Variants in SLC20A2 observed in about 807,000 individuals in gnomAD.
SLC20A2 encodes the protein sodium-dependent phosphate transporter 2.
Under a neutral mutation model 61.0 loss-of-function variants are expected in SLC20A2, and 30 were observed. The ratio of observed to expected loss-of-function variants is 0.49; its 90% CI spans 0.37 to 0.67. SLC20A2 has a LOEUF of 0.67. SLC20A2 is among the 30% of genes least tolerant of loss of function. SLC20A2 has a pLI of 0.00. For synonymous variants in SLC20A2, 351 were observed against 353.3 expected, an observed-to-expected ratio of 0.99 and a Z score of 0.07; for missense variants, 626 against 866.4, an observed-to-expected ratio of 0.72 and a Z score of 3.48.
intron 1 of SLC20A2, among the ~76,000 whole-genome samples, chr8:42,528,344 C>T (rs991241743): frequency 6.6e-6 from 1 of 151,964 alleles, no homozygotes; most frequent in Non-Finnish European, 1.5e-5. Context: ...CACCTTTAGT[C>T]CCAGCTACGC....
upstream of SLC20A2, among the ~76,000 whole-genome samples, chr8:42,505,926 G>GA (rs545340476): frequency 3.3e-5 from 5 of 151,216 alleles, no homozygotes; most frequent in African/African-American, 9.7e-5. Flanking sequence ...GAACATTGAA[G>GA]AAAAAACTCT....
At chr8:42,466,586 T>A (rs1433269089) in intron 2 of SLC20A2, among the ~76,000 whole-genome samples, 1 of 152,194 alleles carries the variant, frequency 6.6e-6, no homozygotes. Flanking sequence ...TGCCTTACAG[T>A]CACATAATGA....
chr8:42,484,969 A>T, intron 1 of SLC20A2: 1 of 321,810 alleles, frequency 3.1e-6, no homozygotes, highest in Non-Finnish European at 6.1e-6. Flanking sequence ...ACTAAGCACA[A>T]GGCCTGCATT....
intron 1 of SLC20A2, chr8:42,541,358 C>A (rs1382712944): frequency 1.0e-3 from 152 of 148,024 alleles, no homozygotes; most frequent in Admixed American, 0.01. Flanking sequence ...CCCGCGGGAG[C>A]CCGGGAGTCG....
intron 1 of SLC20A2, among the ~76,000 whole-genome samples, chr8:42,536,917 A>G (rs1251381548): frequency 2.0e-5 from 3 of 152,018 alleles, no homozygotes; most frequent in Non-Finnish European, 4.4e-5. Context: ...TCTACTAAAA[A>G]TAGAAAAATT....
At chr8:42,532,853 C>T (rs765702904) in intron 1 of SLC20A2, among the ~76,000 whole-genome samples, 79 of 152,132 alleles carry the variant, frequency 5.2e-4, no homozygotes, top group Non-Finnish European at 6.9e-4. Context: ...GGTGCGCAGG[C>T]GGGAGGGCTA....
chr8:42,443,058 T>G (rs1013307305), intron 6 of SLC20A2, among the ~76,000 whole-genome samples: 1 of 151,608 alleles, frequency 6.6e-6, no homozygotes, highest in Non-Finnish European at 1.5e-5. Context: ...AAAAACTGTT[T>G]TCCTTTTAAT....
chr8:42,443,408 C>G (rs547541337), intron 6 of SLC20A2, among the ~76,000 whole-genome samples: 2 of 150,344 alleles, frequency 1.3e-5, no homozygotes, highest in African/African-American at 2.4e-5. Context: ...TCTGCCCCCC[C>G]GGGTTCAAGC....
chr8:42,526,394 CTGGG>C (rs1000164632), intron 1 of SLC20A2, among the ~76,000 whole-genome samples: 2 of 151,934 alleles, frequency 1.3e-5, no homozygotes, highest in African/African-American at 4.8e-5. Context: ...TCACAGCCGG[CTGGG>C]TGTGGTGGCT....
rs753819050 is a variant in SLC20A2 at position 42,491,505 on chromosome 8, C to CA, written c.-265+9525dup. Among the ~76,000 whole-genome samples, 580 of 105,990 alleles carry CA rather than the reference C, an allele frequency of 5.5e-3. 6 individuals carry two copies. The highest frequency in any genetic ancestry group is 7.4e-3 in the South Asian group (25 of 3,364). 69.5% of individuals were successfully genotyped at this position (105,990 alleles called of 152,430 possible). On this transcript the variant is annotated intron_variant, in intron 1 of 10. Transcript: ENST00000520262. ...GGGCAACAGAGTGAGACTTCGTCTC[C>CA]AAAAAAAAAAAAAAAATTAGCTGGG...
At chr8:42,474,559 T>A (rs1417426608) in intron 1 of SLC20A2, among the ~76,000 whole-genome samples, 1 of 152,114 alleles carries the variant, frequency 6.6e-6, no homozygotes, top group Non-Finnish European at 1.5e-5. Context: ...AATCAATGCA[T>A]GAAAATCAAA....
Position 42,430,065 on chromosome 8 carries a change from T to A in SLC20A2, c.1708A>T (p.Ser570Cys), listed in dbSNP as rs2130964289. The part of the protein sequence containing the change: ...GKDLTPITPS[S>C]GFTIELASAF... ...GCTCGTCCACCAGCCCAGGCTTACC[T>A]GGACGGCGTGATGGGAGTGAGGTCC... is the stretch of plus-strand genomic sequence containing the variant. Residue 570 changes from serine to cysteine, a missense_variant and splice_region_variant, in exon 9 of 11, where the codon AGC becomes TGC. Around this residue, in one of 3 missense-constraint regions of SLC20A2, gnomAD observed 138 missense variants for 228.7 expected, o/e 0.60. Transcript: ENST00000520262. 6.2e-7 allele frequency: 1 copy of A among 1,608,396 alleles called. No individual in the cohort carries two copies. Among genetic ancestry groups the A allele is most frequent in the East Asian group, 2.2e-5 (1 of 44,752 alleles).
chr8:42,510,216 A>T (rs1274620924), intron 1 of SLC20A2, among the ~76,000 whole-genome samples: 1 of 152,214 alleles, frequency 6.6e-6, no homozygotes, highest in Non-Finnish European at 1.5e-5. Flanking sequence ...AAAACAAAAA[A>T]ACCCATTAAA....
chr8:42,443,883 C>T (rs1804994522), intron 6 of SLC20A2, among the ~76,000 whole-genome samples: 1 of 152,172 alleles, frequency 6.6e-6, no homozygotes, highest in Admixed American at 6.5e-5. Flanking sequence ...AAAATGCCAG[C>T]ATGCAGAATA....
chr8:42,428,916 G>C, intron 9 of SLC20A2, 74 bp from the exon 10 acceptor site: 1 of 1,254,530 alleles, frequency 8.0e-7, no homozygotes, highest in Non-Finnish European at 1.1e-6. Context: ...GGTGCTAGAG[G>C]CTCACCAGAA....
At chr8:42,446,019 C>T (rs150514082) in intron 5 of SLC20A2, among the ~76,000 whole-genome samples, 356 of 152,282 alleles carry the variant, frequency 2.3e-3, no homozygotes, top group Middle Eastern at 0.017. Context: ...CAAGGTCTTG[C>T]GATGTTGCCC....
intron 8 of SLC20A2, among the ~76,000 whole-genome samples, chr8:42,433,307 A>G (rs1804002487): frequency 6.6e-6 from 1 of 152,110 alleles, no homozygotes; most frequent in African/African-American, 2.4e-5. Context: ...GACAGCTCAT[A>G]GAAGTGGAAT....
intron 5 of SLC20A2, among the ~76,000 whole-genome samples, chr8:42,448,726 A>T (rs1287015883): frequency 1.3e-5 from 2 of 152,168 alleles, no homozygotes; most frequent in African/African-American, 4.8e-5. Flanking sequence ...GTAACACGTC[A>T]CGGAGGAGGA....
rs181884025 is a variant in SLC20A2 at position 42,465,424 on chromosome 8, T to G, written c.430+353A>C. 6.2e-3 allele frequency among the ~76,000 whole-genome samples: 946 copies of G among 151,858 alleles called. 6 individuals carry two copies. The highest frequency in any genetic ancestry group is 0.021 in the African/African-American group (888 of 41,484). ...AAAATTAACCTGTGGCTGGGCACGG[T>G]GGCTCACGCCTATAATCCTGGCTCT... On this transcript the variant is annotated intron_variant, in intron 3 of 10. Transcript: ENST00000520262.
Sources: allele counts gnomAD v4.1 joint callset (sites outside exome capture counted in the v4.1 genomes callset), GRCh38; gene constraint gnomAD v4.1.1; regional missense constraint gnomAD v4.1.1; transcripts MANE v1.5; gene names NCBI Gene and HGNC (gene_info 2026-07-23, HGNC 2026-07-21).